The following KSR2 variants were observed in gnomAD, a reference collection of about 807,000 sequenced individuals.
The protein encoded by KSR2 is kinase suppressor of ras 2.
KSR2 carries 25 observed loss-of-function variants against 107.8 expected under a neutral mutation model. The ratio of observed to expected loss-of-function variants is 0.23; its 90% CI spans 0.17 to 0.32. KSR2 has a LOEUF of 0.32. Ranked by LOEUF, KSR2 falls within the 10% of genes least tolerant of loss-of-function variation. The pLI, the probability that KSR2 is intolerant of heterozygous loss-of-function variation, is 1.00. For synonymous variants in KSR2, 480 were observed against 507.0 expected (o/e 0.95, Z 0.71); for missense variants, 887 against 1,268.9 (o/e 0.70, Z 4.57).
chr12:117,766,306 A>G (rs1007188845), intron 3 of KSR2, among the ~76,000 whole-genome samples: 4 of 152,346 alleles, frequency 2.6e-5, no homozygotes, highest in Admixed American at 1.3e-4. Context: ...AGGGTCATAT[A>G]TCATATGATT....
At position 117,582,331 on chromosome 12, in the gene KSR2, C is replaced by T. The variant is rs56376229; in HGVS notation, c.1200G>A (p.Pro400=). 2.0e-3 allele frequency: 3,299 copies of T among 1,613,706 alleles called. 12 individuals carry two copies. The highest frequency in any genetic ancestry group is 2.1e-3 in the Non-Finnish European group (2,440 of 1,179,788). ...ANTLSVPRWS[P]QIPRRDLGNS... ...TGCCGAGATCTCTGCGAGGGATCTG[C>T]GGGGACCAGCGTGGCACTGACAGTG... Residue 400 remains proline, a synonymous_variant, in exon 6 of 20, where the codon CCG becomes CCA. Coordinates refer to ENST00000339824, the MANE Select transcript of KSR2 (RefSeq NM_173598.6).
chr12:117,804,822 G>T (rs1890957216), intron 3 of KSR2, among the ~76,000 whole-genome samples: 1 of 152,142 alleles, frequency 6.6e-6, no homozygotes, highest in African/African-American at 2.4e-5. Context: ...AATGTAAGCT[G>T]CTCTCCCTCT....
intron 1 of KSR2, among the ~76,000 whole-genome samples, chr12:117,878,539 A>G (rs1485491376): frequency 2.0e-5 from 3 of 152,166 alleles, no homozygotes; most frequent in African/African-American, 7.2e-5. Flanking sequence ...AGGAGGAGGT[A>G]GGCAGAAGTT....
In KSR2 at chr12:117,458,164, T is replaced by G. The variant is rs193160554; in HGVS notation, c.*9035A>C. On this transcript the variant is annotated 3_prime_UTR_variant, in exon 20 of 20. Transcript: ENST00000339824. ...AATGAATGGTTGGTGAAGAAATCTCTGTCAGAGAGGACAGAGGTTCACTGA... is the reference window on the plus strand; with the variant it reads ...AATGAATGGTTGGTGAAGAAATCTCGGTCAGAGAGGACAGAGGTTCACTGA... 1.1e-4 allele frequency: 16 copies of G among 152,320 alleles called. No individual in the cohort carries two copies. Among genetic ancestry groups the G allele is most frequent in the Non-Finnish European group, 2.1e-4 (14 of 68,026 alleles). The allele number at this position is 152,320 out of a possible 1,614,324, so 9.4% of individuals were successfully genotyped here.
At chr12:117,876,468 C>G (rs1055345858) in intron 1 of KSR2, among the ~76,000 whole-genome samples, 7 of 152,180 alleles carry the variant, frequency 4.6e-5, no homozygotes, top group African/African-American at 1.7e-4. Context: ...GAAGAGCCCC[C>G]CTCTCCGCTG....
chr12:117,542,644 A>G (rs1876589050), intron 9 of KSR2, among the ~76,000 whole-genome samples: 1 of 152,124 alleles, frequency 6.6e-6, no homozygotes, highest in African/African-American at 2.4e-5. Context: ...GTCCAGTATA[A>G]TAAACACTAG....
At chr12:117,590,771 A>G (rs1475316937) in intron 5 of KSR2, among the ~76,000 whole-genome samples, 1 of 152,222 alleles carries the variant, frequency 6.6e-6, no homozygotes, top group Non-Finnish European at 1.5e-5. Flanking sequence ...AGTAGTTGTA[A>G]CAGAGACAGT....
intron 3 of KSR2, among the ~76,000 whole-genome samples, chr12:117,800,308 G>C (rs1890786442): frequency 6.6e-6 from 1 of 152,098 alleles, no homozygotes; most frequent in Admixed American, 6.5e-5. Flanking sequence ...GGGTCCTGGG[G>C]GGTCTCTGTG....
intron 10 of KSR2, among the ~76,000 whole-genome samples, chr12:117,532,774 G>T (rs931900665): frequency 1.3e-5 from 2 of 152,060 alleles, no homozygotes; most frequent in Non-Finnish European, 2.9e-5. Flanking sequence ...TGGAATAGGG[G>T]GCCAAGCGGT....
At chr12:117,528,859 A>G (rs1592960087) in intron 12 of KSR2, among the ~76,000 whole-genome samples, 2 of 152,212 alleles carry the variant, frequency 1.3e-5, no homozygotes, top group African/African-American at 4.8e-5. Context: ...CTCCGCGCAC[A>G]TTTAAGCAGA....
chr12:117,661,070 T>C (rs1007057835), intron 5 of KSR2, among the ~76,000 whole-genome samples: 1 of 152,252 alleles, frequency 6.6e-6, no homozygotes, highest in Non-Finnish European at 1.5e-5. Flanking sequence ...GTAGGCATCC[T>C]GCCAAGGACA....
chr12:117,924,736 G>A (rs1230116727), intron 1 of KSR2, among the ~76,000 whole-genome samples: 1 of 152,074 alleles, frequency 6.6e-6, no homozygotes, highest in Non-Finnish European at 1.5e-5. Flanking sequence ...GTGGAACTAT[G>A]GAAGTTAAAA....
intron 1 of KSR2, among the ~76,000 whole-genome samples, chr12:117,863,009 G>A (rs1302679513): frequency 1.3e-5 from 2 of 152,058 alleles, no homozygotes; most frequent in African/African-American, 2.4e-5. Flanking sequence ...GATTACAGGC[G>A]TGAGCCACCG....
At chr12:117,913,988 T>C (rs1895101875) in intron 1 of KSR2, among the ~76,000 whole-genome samples, 1 of 152,190 alleles carries the variant, frequency 6.6e-6, no homozygotes, top group Non-Finnish European at 1.5e-5. Flanking sequence ...ATGGGGCAAC[T>C]GGCTCCAGAA....
At chr12:117,678,334 GA>G (rs1171640917) in intron 4 of KSR2, among the ~76,000 whole-genome samples, 1 of 152,056 alleles carries the variant, frequency 6.6e-6, no homozygotes, top group East Asian at 1.9e-4. Context: ...TCTGGTGCCA[GA>G]AAGAGGATAC....
intron 5 of KSR2, among the ~76,000 whole-genome samples, chr12:117,647,674 G>A (rs1035143868): frequency 1.3e-5 from 2 of 152,060 alleles, no homozygotes; most frequent in African/African-American, 4.8e-5. Context: ...GATCAGGGGA[G>A]GGGCCAGGAG....
intron 3 of KSR2, among the ~76,000 whole-genome samples, chr12:117,803,402 T>C (rs1010685126): frequency 2.0e-5 from 3 of 152,084 alleles, no homozygotes; most frequent in Admixed American, 6.5e-5. Context: ...CTGGGGAGCT[T>C]ATAGAGAGAG....
intron 3 of KSR2, among the ~76,000 whole-genome samples, chr12:117,850,655 GAA>G (rs1265063463): frequency 3.3e-5 from 5 of 151,928 alleles, no homozygotes; most frequent in Admixed American, 2.0e-4. Flanking sequence ...AAAAAATACA[GAA>G]AAGTTTGCCA....
intron 4 of KSR2, among the ~76,000 whole-genome samples, chr12:117,737,020 A>G (rs1248434756): frequency 3.9e-5 from 6 of 152,180 alleles, no homozygotes; most frequent in African/African-American, 1.4e-4. Flanking sequence ...CCTGTTATCC[A>G]ACGACACTTA....
Sources: gnomAD v4.1 joint callset for allele counts (sites outside exome capture counted in the v4.1 genomes callset) on GRCh38, gnomAD v4.1.1 for gene constraint, MANE v1.5 for transcripts, NCBI Gene and HGNC (gene_info 2026-07-23, HGNC 2026-07-21) for gene names.